Variants in BCAS3 observed in about 807,000 individuals in gnomAD.
BCAS3 encodes the protein BCAS3 microtubule associated cell migration factor, also known as BCAS4/BCAS3 fusion.
In BCAS3, 53 loss-of-function variants were observed where a neutral mutation model predicts 116.1. The observed-to-expected ratio is 0.46, with a 90% CI of 0.37 to 0.57. The LOEUF is 0.57. Ranked by LOEUF, BCAS3 falls within the 20% of genes least tolerant of loss-of-function variation. The pLI, the probability that BCAS3 is intolerant of heterozygous loss-of-function variation, is 0.00. For missense variants in BCAS3, 917 were observed against 1,165.4 expected (o/e 0.79, Z 3.10); for synonymous variants, 391 against 408.2 (o/e 0.96, Z 0.51).
At chr17:61,075,462 G>T (rs2071887165) in intron 20 of BCAS3, among the ~76,000 whole-genome samples, 1 of 152,056 alleles carries the variant, frequency 6.6e-6, no homozygotes, top group South Asian at 2.1e-4. Flanking sequence ...TTACAGGCAT[G>T]CACCACCATG....
intron 7 of BCAS3, among the ~76,000 whole-genome samples, chr17:60,835,443 A>G (rs544353682): frequency 2.0e-5 from 3 of 152,178 alleles, no homozygotes; most frequent in Non-Finnish European, 4.4e-5. Flanking sequence ...TCTCTTCTTC[A>G]TCTATAAATA....
intron 22 of BCAS3, among the ~76,000 whole-genome samples, chr17:61,318,094 G>A (rs1435173252): frequency 2.6e-5 from 4 of 152,248 alleles, no homozygotes; most frequent in Non-Finnish European, 5.9e-5. Context: ...TCCTGCTAGA[G>A]CTACATGCCG....
chr17:60,753,926 G>A (rs2042742045), intron 6 of BCAS3, among the ~76,000 whole-genome samples: 1 of 151,984 alleles, frequency 6.6e-6, no homozygotes, highest in Non-Finnish European at 1.5e-5. Flanking sequence ...TACCATATGA[G>A]GGGTACCACA....
chr17:61,117,808 TC>T, intron 22 of BCAS3, among the ~76,000 whole-genome samples: 1 of 152,190 alleles, frequency 6.6e-6, no homozygotes, highest in African/African-American at 2.4e-5. Context: ...GTTATCAAGA[TC>T]CCCCACCAGA....
chr17:61,038,400 A>C (rs1445711104), intron 18 of BCAS3, among the ~76,000 whole-genome samples: 1 of 148,662 alleles, frequency 6.7e-6, no homozygotes, highest in Non-Finnish European at 1.5e-5. Context: ...CTACAGGCAC[A>C]CGCCACCACA....
chr17:61,190,570 G>A (rs1410905220), intron 22 of BCAS3, among the ~76,000 whole-genome samples: 1 of 146,556 alleles, frequency 6.8e-6, no homozygotes, highest in Non-Finnish European at 1.5e-5. Context: ...GGGCTACGTA[G>A]TGAGACCTCA....
At chr17:60,889,516 G>C (rs2056987044) in intron 9 of BCAS3, among the ~76,000 whole-genome samples, 179 bp from the exon 10 acceptor site, 1 of 152,202 alleles carries the variant, frequency 6.6e-6, no homozygotes, top group South Asian at 2.1e-4. Flanking sequence ...AAACTAAATA[G>C]AGGGGGAAAA....
intron 13 of BCAS3, among the ~76,000 whole-genome samples, chr17:60,944,738 GA>G (rs999788752): frequency 2.0e-5 from 3 of 152,116 alleles, no homozygotes; most frequent in African/African-American, 7.2e-5. Flanking sequence ...GTTATTGTTA[GA>G]ATTCGCTATA....
intron 14 of BCAS3, among the ~76,000 whole-genome samples, chr17:60,951,786 T>TTTTTTTTC (rs2060848660): frequency 8.1e-6 from 1 of 124,052 alleles, no homozygotes; most frequent in South Asian, 2.2e-4. Flanking sequence ...TTTTTTTTTT[T>TTTTTTTTC]CTTTGGAGAC....
chr17:61,045,883 A>ATATATATATAATATATATAAATATATAT (rs2068059466), intron 19 of BCAS3, among the ~76,000 whole-genome samples: 1 of 44,212 alleles, frequency 2.3e-5, no homozygotes, highest in East Asian at 5.7e-4. Flanking sequence ...ATAAATATAT[A>ATATATATATAATATATATAAATATATAT]TTATATATAT....
rs1390166637 is a variant in BCAS3, at chr17:61,344,700, G to A, written c.2426-23627G>A. Among the ~76,000 whole-genome samples, 1 of 152,144 alleles carries A rather than the reference G, an allele frequency of 6.6e-6. No individual in the cohort carries two copies. Among genetic ancestry groups the A allele is most frequent in the Non-Finnish European group, 1.5e-5 (1 of 68,016 alleles). On this transcript the variant is annotated intron_variant, in intron 22 of 23. Coordinates refer to ENST00000407086, the MANE Select transcript of BCAS3 (RefSeq NM_017679.5). The surrounding 1 kb of genome is among the most constrained non-coding windows in gnomAD (Gnocchi z 4.1). Reference sequence around the variant, plus strand: ...GTTGAGGGATGAGCAAGGCGAAGATGTAAAGGCCCTGGGGTGAAAGGAAGG... The same window carrying A: ...GTTGAGGGATGAGCAAGGCGAAGATATAAAGGCCCTGGGGTGAAAGGAAGG...
intron 22 of BCAS3, among the ~76,000 whole-genome samples, chr17:61,306,717 G>GGTGAGCTGT (rs574043749): frequency 3.3e-5 from 5 of 152,122 alleles, no homozygotes; most frequent in African/African-American, 4.8e-5. Flanking sequence ...TCAAGGCTGC[G>GGTGAGCTGT]GTGAGCTGTG....
intron 16 of BCAS3, among the ~76,000 whole-genome samples, chr17:61,018,851 T>C (rs1034435929): frequency 6.6e-6 from 1 of 152,206 alleles, no homozygotes; most frequent in African/African-American, 2.4e-5. Context: ...TTCATTAGTT[T>C]TTCTTAATTC....
chr17:61,082,020 G>A lies in BCAS3; in HGVS notation c.2328-2447G>A. 6.6e-6 allele frequency among the ~76,000 whole-genome samples: 1 copy of A among 152,066 alleles called. No individual in the cohort carries two copies. Among genetic ancestry groups the A allele is most frequent in the South Asian group, 2.1e-4 (1 of 4,828 alleles). On this transcript the variant is annotated intron_variant, in intron 21 of 23. Transcript: ENST00000407086. This position sits in a 1 kb window ranked among gnomAD's most constrained non-coding sequence, Gnocchi z 5.1. ...CCTCCCTGCCGCCTAACCAAAATGG[G>A]AAACAGGCAGGCATAGTGTTGACTC... is the stretch of plus-strand genomic sequence containing the variant.
intron 4 of BCAS3, among the ~76,000 whole-genome samples, chr17:60,703,944 AAAAG>A (rs952715287): frequency 3.3e-5 from 5 of 151,986 alleles, no homozygotes; most frequent in South Asian, 2.1e-4. Context: ...AAAGAAAAAA[AAAAG>A]AAAGACTTAC....
At chr17:61,079,498 G>A (rs774219717) in intron 21 of BCAS3, among the ~76,000 whole-genome samples, 1 of 152,080 alleles carries the variant, frequency 6.6e-6, no homozygotes, top group African/African-American at 2.4e-5. Flanking sequence ...CCTAGAGTAC[G>A]GCCGGCTGCC....
chr17:60,816,010 C>T (rs2049354089), intron 7 of BCAS3, among the ~76,000 whole-genome samples: 2 of 152,102 alleles, frequency 1.3e-5, no homozygotes, highest in African/African-American at 4.8e-5. Context: ...GAGAATATCT[C>T]TTAATCTAAG....
chr17:60,947,580 C>T (rs1404677832), intron 14 of BCAS3, among the ~76,000 whole-genome samples: 1 of 152,064 alleles, frequency 6.6e-6, no homozygotes, highest in Non-Finnish European at 1.5e-5. Context: ...TTTGATAAAA[C>T]AGTAGGGCTG....
intron 14 of BCAS3, among the ~76,000 whole-genome samples, chr17:60,978,696 G>A (rs1299782225): frequency 2.0e-5 from 3 of 152,066 alleles, no homozygotes; most frequent in African/African-American, 4.8e-5. Flanking sequence ...GCAAGGAAGG[G>A]ATCCAGTTTC....
Sources: allele counts gnomAD v4.1 joint callset (sites outside exome capture counted in the v4.1 genomes callset), GRCh38; gene constraint gnomAD v4.1.1; non-coding constraint Gnocchi (gnomAD v3.1); transcripts MANE v1.5; gene names NCBI Gene and HGNC (gene_info 2026-07-23, HGNC 2026-07-21).